The following EIF3E variants were observed in gnomAD, a reference collection of about 807,000 sequenced individuals.
EIF3E encodes the protein eukaryotic translation initiation factor 3 subunit E.
EIF3E carries 25 observed loss-of-function variants against 59.3 expected under a neutral mutation model. That is an observed-to-expected ratio of 0.42 (90% CI 0.31 to 0.59). The LOEUF (loss-of-function observed/expected upper bound fraction) is 0.59. Among genes scored for constraint, EIF3E ranks in the 20% least tolerant of loss-of-function variants. The pLI is 0.15. For missense variants in EIF3E, 317 were observed against 534.3 expected (o/e 0.59, Z 4.01); for synonymous variants, 176 against 170.2 (o/e 1.03, Z -0.26).
At chr8:108,219,799 C>T (rs574424580) in intron 7 of EIF3E, among the ~76,000 whole-genome samples, 1 of 152,032 alleles carries the variant, frequency 6.6e-6, no homozygotes, top group Non-Finnish European at 1.5e-5. Context: ...CACCACTGCA[C>T]TTCCAACCTG....
At chr8:108,229,729 A>C (rs1368545350) in intron 5 of EIF3E, among the ~76,000 whole-genome samples, 1 of 152,212 alleles carries the variant, frequency 6.6e-6, no homozygotes, top group African/African-American at 2.4e-5. Flanking sequence ...TAGTTATCAA[A>C]GGATTATGTA....
intron 1 of EIF3E, among the ~76,000 whole-genome samples, chr8:108,247,703 TCTGCTTCCAGAAA>T (rs1207172230): frequency 1.4e-4 from 22 of 152,330 alleles, no homozygotes; most frequent in Admixed American, 7.2e-4. Context: ...TATATTGTAG[TCTGCTTCCAGAAA>T]CAGAACTCAC....
chr8:108,216,142 A>C (rs1388288712), intron 9 of EIF3E, among the ~76,000 whole-genome samples: 2 of 152,196 alleles, frequency 1.3e-5, no homozygotes, highest in Non-Finnish European at 2.9e-5. Context: ...CCAATGTTTT[A>C]ACAAACTCCC....
chr8:108,203,201 G>A lies in EIF3E; in HGVS notation c.1165-84C>T, dbSNP rs1021685928. The A allele has an allele frequency of 3.9e-5, 59 of 1,500,112 alleles. No homozygotes were observed. In the African/African-American group the frequency reaches 4.6e-4, roughly 12 times the overall value. 92.9% of individuals were successfully genotyped at this position (1,500,112 alleles called of 1,614,324 possible). A position where few individuals can be genotyped will look rare whatever the true frequency, so the allele number is the denominator to read the frequency against. On this transcript the variant is annotated intron_variant, in intron 11 of 12. Transcript: ENST00000220849. Reference sequence around the variant, plus strand: ...AGTAAAAAGCATGACATACCTTTGCGCATATTTTAATGCACTGTATAGAGA... The same window carrying A: ...AGTAAAAAGCATGACATACCTTTGCACATATTTTAATGCACTGTATAGAGA...
intron 3 of EIF3E, among the ~76,000 whole-genome samples, chr8:108,239,143 T>A (rs938438780): frequency 6.6e-6 from 1 of 152,186 alleles, no homozygotes; most frequent in Non-Finnish European, 1.5e-5. Context: ...GATACCCATG[T>A]GTTCTAAGGT....
At chr8:108,202,928 T>C in intron 12 of EIF3E, 55 bp downstream of exon 12, 1 of 1,531,240 alleles carries the variant, frequency 6.5e-7, no homozygotes. Context: ...AAACTTCATG[T>C]AACAATTACA....
Position 108,201,806 on chromosome 8 carries a change from TA to T in EIF3E, c.*78del. 1 of 1,181,488 alleles carries T rather than the reference TA, an allele frequency of 8.5e-7. No individual in the cohort carries two copies. The highest frequency in any genetic ancestry group is 1.1e-6 in the Non-Finnish European group (1 of 892,920). 73.2% of individuals were successfully genotyped at this position (1,181,488 alleles called of 1,614,324 possible). On this transcript the variant is annotated 3_prime_UTR_variant, in exon 13 of 13. Transcript: ENST00000220849. ...TACGTAATATGTTGTTTCCAAAATGTAAGTCACCCTTTATATAATAGTTTTA... is the reference window on the plus strand; with the variant it reads ...TACGTAATATGTTGTTTCCAAAATGTAGTCACCCTTTATATAATAGTTTTA...
chr8:108,204,746 T>TATATATATATATATATATAGAG (rs1354950271), intron 10 of EIF3E, among the ~76,000 whole-genome samples: 3 of 113,686 alleles, frequency 2.6e-5, no homozygotes, highest in African/African-American at 3.5e-5. Context: ...TATATATATA[T>TATATATATATATATATATAGAG]AGAGAGAGAG....
chr8:108,225,151 C>T (rs1815495300), intron 7 of EIF3E, among the ~76,000 whole-genome samples: 2 of 151,556 alleles, frequency 1.3e-5, no homozygotes, highest in Non-Finnish European at 1.5e-5. Context: ...GAAAGAATGG[C>T]AGACAAACTA....
intron 7 of EIF3E, chr8:108,228,014 A>G (rs571228517): frequency 1.0e-5 from 3 of 297,850 alleles, no homozygotes; most frequent in East Asian, 1.2e-4. Context: ...CTGAGATTCT[A>G]TATGATTTCT....
intron 10 of EIF3E, among the ~76,000 whole-genome samples, chr8:108,211,944 G>A (rs1815217794): frequency 6.6e-6 from 1 of 152,278 alleles, no homozygotes; most frequent in South Asian, 2.1e-4. Flanking sequence ...TAAACTAAAT[G>A]ACAAATTAAT....
At chr8:108,206,848 T>C (rs537362085) in intron 10 of EIF3E, among the ~76,000 whole-genome samples, 15 of 152,110 alleles carry the variant, frequency 9.9e-5, no homozygotes, top group Admixed American at 2.0e-4. Flanking sequence ...TAACTAGAAT[T>C]CTCTATCCCT....
intron 4 of EIF3E, among the ~76,000 whole-genome samples, chr8:108,235,488 T>C (rs1015343897): frequency 9.2e-5 from 14 of 152,238 alleles, no homozygotes; most frequent in African/African-American, 3.4e-4. Context: ...CCTCCACTGA[T>C]CTGACAGGAG....
At chr8:108,229,828 T>C (rs986186715) in intron 5 of EIF3E, among the ~76,000 whole-genome samples, 2 of 152,116 alleles carry the variant, frequency 1.3e-5, no homozygotes, top group Admixed American at 6.6e-5. Context: ...CTAATACATA[T>C]AGAGTGTAAC....
chr8:108,211,659 A>G (rs1211961730), intron 10 of EIF3E, among the ~76,000 whole-genome samples: 1 of 152,102 alleles, frequency 6.6e-6, no homozygotes, highest in Non-Finnish European at 1.5e-5. Flanking sequence ...TAAATTACTG[A>G]TTTTTCACTC....
intron 7 of EIF3E, among the ~76,000 whole-genome samples, chr8:108,218,782 C>CTTTTT (rs35642365): frequency 1.7e-4 from 19 of 111,146 alleles, no homozygotes; most frequent in Non-Finnish European, 2.5e-4. Context: ...TATTTTATTT[C>CTTTTT]TTTTTTTTTT....
chr8:108,238,684 C>T (rs992565373), intron 3 of EIF3E, among the ~76,000 whole-genome samples: 29 of 152,270 alleles, frequency 1.9e-4, no homozygotes, highest in Admixed American at 2.6e-4. Context: ...TATAGTATGG[C>T]ACAGTAATTG....
chr8:108,214,121 A>G (rs888543976), intron 10 of EIF3E, among the ~76,000 whole-genome samples: 1 of 152,188 alleles, frequency 6.6e-6, no homozygotes, highest in African/African-American at 2.4e-5. Flanking sequence ...AATTCACTAT[A>G]ATTTTTCCAT....
intron 7 of EIF3E, among the ~76,000 whole-genome samples, chr8:108,224,335 A>C (rs1338078417): frequency 6.6e-6 from 1 of 151,668 alleles, no homozygotes; most frequent in Admixed American, 6.6e-5. Flanking sequence ...AATTAGAACT[A>C]CTTTTTTCAT....
Sources: allele counts gnomAD v4.1 joint callset (sites outside exome capture counted in the v4.1 genomes callset), GRCh38; gene constraint gnomAD v4.1.1; transcripts MANE v1.5; gene names NCBI Gene and HGNC (gene_info 2026-07-23, HGNC 2026-07-21).